NRG3: variants seen among roughly 807,000 people sequenced by gnomAD.
The protein encoded by NRG3 is pro-neuregulin-3, membrane-bound isoform.
A neutral mutation model predicts 66.9 loss-of-function variants in NRG3; 31 were observed. The observed-to-expected ratio is 0.46, with a 90% CI of 0.35 to 0.63. NRG3 has a LOEUF of 0.63. Among genes scored for constraint, NRG3 ranks in the 20% least tolerant of loss-of-function variants. The probability of loss-of-function intolerance (pLI) is 0.00; values close to 1 mark genes in which losing one functional copy is unlikely to be tolerated. For synonymous variants in NRG3, 393 were observed against 359.4 expected, an observed-to-expected ratio of 1.09 and a Z score of -1.06; for missense variants, 910 against 878.9, an observed-to-expected ratio of 1.04 and a Z score of -0.45.
intron 1 of NRG3, among the ~76,000 whole-genome samples, chr10:81,910,694 C>A (rs1845050423): frequency 6.6e-6 from 1 of 152,098 alleles, no homozygotes; most frequent in Non-Finnish European, 1.5e-5. Flanking sequence ...CTTATGCAGG[C>A]TGGAGTGCAG....
intron 1 of NRG3, among the ~76,000 whole-genome samples, chr10:81,932,083 G>A (rs12248597): frequency 0.063 from 9,642 of 152,052 alleles, 593 homozygotes; most frequent in East Asian, 0.22. Context: ...GGCTTCTGTG[G>A]AGGTCTCAGG....
chr10:82,660,787 G>A (rs972401271), intron 2 of NRG3, among the ~76,000 whole-genome samples: 3 of 151,844 alleles, frequency 2.0e-5, no homozygotes, highest in African/African-American at 4.8e-5. Context: ...TTTTGCTTAC[G>A]GTTCACTTCT....
chr10:82,043,781 AC>A (rs2063145992), intron 1 of NRG3, among the ~76,000 whole-genome samples: 1 of 152,062 alleles, frequency 6.6e-6, no homozygotes, highest in South Asian at 2.1e-4. Context: ...TTTAAGTCAT[AC>A]CACAAAATTG....
intron 2 of NRG3, among the ~76,000 whole-genome samples, chr10:82,520,916 C>A (rs1429155219): frequency 1.3e-5 from 2 of 152,152 alleles, no homozygotes; most frequent in Non-Finnish European, 1.5e-5. Flanking sequence ...CCCCTCTTAT[C>A]TATTTTCTAC....
intron 2 of NRG3, among the ~76,000 whole-genome samples, chr10:82,538,447 T>TA (rs1295944354): frequency 6.6e-6 from 1 of 152,114 alleles, no homozygotes; most frequent in East Asian, 1.9e-4. Context: ...AAGACCAGAG[T>TA]TCTGTCTGCT....
intron 3 of NRG3, among the ~76,000 whole-genome samples, chr10:82,820,037 G>A (rs901344243): frequency 6.6e-6 from 1 of 152,180 alleles, no homozygotes; most frequent in African/African-American, 2.4e-5. Flanking sequence ...ATGCACACAG[G>A]ACATCAGTCT....
chr10:82,109,527 G>T (rs1020482716), intron 1 of NRG3, among the ~76,000 whole-genome samples: 8 of 146,432 alleles, frequency 5.5e-5, no homozygotes, highest in Non-Finnish European at 1.2e-4. Flanking sequence ...CAAAGCTAAA[G>T]AATAAGATTG....
At chr10:82,451,930 T>C (rs1175979816) in intron 2 of NRG3, among the ~76,000 whole-genome samples, 1 of 152,176 alleles carries the variant, frequency 6.6e-6, no homozygotes, top group East Asian at 1.9e-4. Flanking sequence ...TTGAAAGGGT[T>C]CTATAGGTTT....
chr10:82,578,759 A>C (rs2046185482), intron 2 of NRG3, among the ~76,000 whole-genome samples: 2 of 151,962 alleles, frequency 1.3e-5, no homozygotes, highest in Middle Eastern at 3.4e-3. Context: ...ACTTTGCTTA[A>C]CTTAGAAAAT....
intron 4 of NRG3, among the ~76,000 whole-genome samples, chr10:82,941,183 T>C (rs1475418743): frequency 6.6e-6 from 1 of 152,088 alleles, no homozygotes; most frequent in East Asian, 2.0e-4. Flanking sequence ...GAGCTGGTTC[T>C]GTCTTCCTGA....
intron 4 of NRG3, among the ~76,000 whole-genome samples, chr10:82,919,216 C>T (rs960463710): frequency 6.6e-6 from 1 of 152,158 alleles, no homozygotes; most frequent in Non-Finnish European, 1.5e-5. Context: ...CTACCACTGT[C>T]TTTCTGACCT....
intron 1 of NRG3, among the ~76,000 whole-genome samples, chr10:81,976,111 C>T (rs1298514065): frequency 6.6e-6 from 1 of 152,086 alleles, no homozygotes; most frequent in African/African-American, 2.4e-5. Flanking sequence ...TTTAATTTAC[C>T]ACTAAGTTTA....
intron 1 of NRG3, among the ~76,000 whole-genome samples, chr10:81,974,404 TG>T (rs2133394501): frequency 6.6e-6 from 1 of 152,262 alleles, no homozygotes; most frequent in African/African-American, 2.4e-5. Context: ...GTTATGACTG[TG>T]GCATAGTAAG....
At chr10:82,042,098 G>A (rs749579936) in intron 1 of NRG3, among the ~76,000 whole-genome samples, 10 of 151,796 alleles carry the variant, frequency 6.6e-5, no homozygotes, top group African/African-American at 1.9e-4. Context: ...GAGGATTTCC[G>A]GCTTTTTCCC....
chr10:82,674,042 A>T (rs970965867), intron 2 of NRG3, among the ~76,000 whole-genome samples: 1 of 152,150 alleles, frequency 6.6e-6, no homozygotes, highest in Non-Finnish European at 1.5e-5. Context: ...GGGTAGCCAT[A>T]TGATTTCTTG....
intron 2 of NRG3, among the ~76,000 whole-genome samples, chr10:82,480,380 T>C (rs1842171238): frequency 6.6e-6 from 1 of 152,220 alleles, no homozygotes. Context: ...CAAAAAGTCA[T>C]TTTAAAATAA....
intron 2 of NRG3, among the ~76,000 whole-genome samples, chr10:82,639,119 C>T (rs2050394391): frequency 6.6e-6 from 1 of 152,170 alleles, no homozygotes; most frequent in South Asian, 2.1e-4. Context: ...ACACAGGATA[C>T]CATTGTCTTA....
chr10:82,698,568 CATT>C (rs1188189800), intron 2 of NRG3, among the ~76,000 whole-genome samples: 1 of 152,108 alleles, frequency 6.6e-6, no homozygotes, highest in African/African-American at 2.4e-5. Flanking sequence ...TTTGCAGAGA[CATT>C]ATGCAGTCAT....
At chr10:82,470,739 G>A (rs1330338102) in intron 2 of NRG3, among the ~76,000 whole-genome samples, 1 of 152,226 alleles carries the variant, frequency 6.6e-6, no homozygotes, top group African/African-American at 2.4e-5. Context: ...TTGCTGTCCT[G>A]CCTGGGTTCA....
Sources: allele counts gnomAD v4.1 joint callset (sites outside exome capture counted in the v4.1 genomes callset), GRCh38; gene constraint gnomAD v4.1.1; transcripts MANE v1.5; gene names NCBI Gene and HGNC (gene_info 2026-07-23, HGNC 2026-07-21).